PDE4D: variants seen among roughly 807,000 people sequenced by gnomAD.
PDE4D encodes phosphodiesterase 4D, also known as 3',5'-cyclic-AMP phosphodiesterase 4D.
Under a neutral mutation model 87.4 loss-of-function variants are expected in PDE4D, and 24 were observed. That is an observed-to-expected ratio of 0.27 (90% CI 0.20 to 0.39). The LOEUF is 0.39. PDE4D is among the 10% of genes least tolerant of loss of function. The pLI is 1.00. For missense variants in PDE4D, 714 were observed against 1,041.0 expected (o/e 0.69, Z 4.32); for synonymous variants, 384 against 383.2 (o/e 1.00, Z -0.02).
At chr5:60,466,075 G>A (rs1747329889) in intron 1 of PDE4D, among the ~76,000 whole-genome samples, 1 of 152,074 alleles carries the variant, frequency 6.6e-6, no homozygotes, top group Non-Finnish European at 1.5e-5. Context: ...AGGAACAAAT[G>A]GCTAACATTA....
intron 5 of PDE4D, among the ~76,000 whole-genome samples, chr5:59,111,700 C>T (rs1772671971): frequency 6.6e-6 from 1 of 152,208 alleles, no homozygotes; most frequent in Admixed American, 6.5e-5. Flanking sequence ...TTTCCAAGAC[C>T]ACAAAGCTTG....
intron 1 of PDE4D, among the ~76,000 whole-genome samples, chr5:59,474,076 T>G (rs78363980): frequency 6.6e-6 from 1 of 152,300 alleles, no homozygotes; most frequent in Non-Finnish European, 1.5e-5. Context: ...GAAAGGGGCA[T>G]GTTCCTATTT....
chr5:59,530,830 A>T (rs897788992), intron 1 of PDE4D, among the ~76,000 whole-genome samples: 1 of 152,220 alleles, frequency 6.6e-6, no homozygotes, highest in African/African-American at 2.4e-5. Flanking sequence ...TTATTATAGC[A>T]ACAACTCAGG....
intron 1 of PDE4D, among the ~76,000 whole-genome samples, chr5:59,622,950 T>A (rs1268157238): frequency 6.6e-6 from 1 of 152,168 alleles, no homozygotes; most frequent in East Asian, 1.9e-4. Flanking sequence ...CACCACCCAG[T>A]AAGAAAACCC....
chr5:60,265,488 T>C (rs1335749023), intron 1 of PDE4D, among the ~76,000 whole-genome samples: 1 of 152,160 alleles, frequency 6.6e-6, no homozygotes, highest in Non-Finnish European at 1.5e-5. Flanking sequence ...GAGGGAAATT[T>C]GTGGTCAGGC....
At chr5:60,147,731 C>T in intron 2 of PDE4D, 1 of 454,408 alleles carries the variant, frequency 2.2e-6, no homozygotes, top group Non-Finnish European at 4.4e-6. Context: ...TAGAGAAGCA[C>T]TTCTCGAGTC....
intron 6 of PDE4D, among the ~76,000 whole-genome samples, chr5:59,003,286 G>C (rs868036530): frequency 6.6e-6 from 1 of 152,000 alleles, no homozygotes; most frequent in Non-Finnish European, 1.5e-5. Context: ...AATCCCCAAC[G>C]CCAAGCCTAT....
intron 2 of PDE4D, among the ~76,000 whole-genome samples, chr5:60,105,886 C>T (rs749410652): frequency 1.3e-5 from 2 of 152,160 alleles, no homozygotes; most frequent in African/African-American, 4.8e-5. Flanking sequence ...ACAACCAGTA[C>T]CAACCACTGC....
chr5:59,945,377 AC>A (rs1299293793), intron 3 of PDE4D, among the ~76,000 whole-genome samples: 3 of 152,166 alleles, frequency 2.0e-5, no homozygotes, highest in Non-Finnish European at 2.9e-5. Flanking sequence ...AATATTGAAA[AC>A]ACTTTGGATC....
At chr5:59,065,655 A>T (rs1423977009) in intron 5 of PDE4D, among the ~76,000 whole-genome samples, 1 of 152,166 alleles carries the variant, frequency 6.6e-6, no homozygotes, top group East Asian at 1.9e-4. Flanking sequence ...TTGGGAAAGA[A>T]GATGAGAAAA....
At chr5:59,352,241 G>C (rs992762008) in intron 1 of PDE4D, among the ~76,000 whole-genome samples, 3 of 152,062 alleles carry the variant, frequency 2.0e-5, no homozygotes, top group African/African-American at 7.2e-5. Flanking sequence ...TCTAGTCCCT[G>C]AACCTTCAAT....
chr5:59,176,389 C>T (rs1029019670), intron 5 of PDE4D, among the ~76,000 whole-genome samples: 2 of 151,958 alleles, frequency 1.3e-5, no homozygotes, highest in Non-Finnish European at 2.9e-5. Flanking sequence ...CCTGTCTCTA[C>T]TAAAAACACA....
chr5:59,235,551 T>A (rs2153519466), intron 1 of PDE4D, among the ~76,000 whole-genome samples: 1 of 152,354 alleles, frequency 6.6e-6, no homozygotes, highest in East Asian at 1.9e-4. Flanking sequence ...TCTTCTGTTC[T>A]TTGGACTAAA....
At chr5:60,418,267 C>T (rs1181940053) in intron 1 of PDE4D, among the ~76,000 whole-genome samples, 2 of 152,088 alleles carry the variant, frequency 1.3e-5, no homozygotes, top group African/African-American at 2.4e-5. Flanking sequence ...TTGAAAGACA[C>T]GAGTTCAAAT....
At chr5:59,586,473 C>CG in intron 1 of PDE4D, 1 of 1,418,790 alleles carries the variant, frequency 7.0e-7, no homozygotes, top group Non-Finnish European at 9.2e-7. Context: ...GAGCAGCTAT[C>CG]GTGGGCAATT....
intron 1 of PDE4D, among the ~76,000 whole-genome samples, chr5:60,254,843 GT>G (rs1438289602): frequency 6.6e-6 from 1 of 151,868 alleles, no homozygotes; most frequent in African/African-American, 2.4e-5. Context: ...TAAGGTCATT[GT>G]AAAAATTAAA....
chr5:59,427,515 G>C (rs1795469847), intron 1 of PDE4D, among the ~76,000 whole-genome samples: 1 of 152,152 alleles, frequency 6.6e-6, no homozygotes, highest in Non-Finnish European at 1.5e-5. Flanking sequence ...GGTTAGAAGA[G>C]CCAGATTAAA....
Position 58,975,886 on chromosome 5 carries a change from T to TTAA in PDE4D, c.1831-48_1831-47insTTA. 3.7e-6 allele frequency: 4 copies of TTAA among 1,067,190 alleles called. No individual in the cohort carries two copies. The highest frequency in any genetic ancestry group is 5.0e-6 in the Non-Finnish European group (4 of 797,862). The allele number at this position is 1,067,190 out of a possible 1,614,324, so 66.1% of individuals were successfully genotyped here. On this transcript the variant is annotated intron_variant, in intron 13 of 14. Transcript: ENST00000340635. The surrounding 1 kb of genome is among the most constrained non-coding windows in gnomAD (Gnocchi z 4.2). ...TCTATTCACTCCTGTTCCTTTTTTT[T>TTAA]AAAAAAAAAAACAAAAAAAACTAGA...
intron 2 of PDE4D, among the ~76,000 whole-genome samples, chr5:60,016,438 A>G (rs191056163): frequency 2.6e-5 from 4 of 152,188 alleles, no homozygotes; most frequent in Non-Finnish European, 1.5e-5. Flanking sequence ...TCTTAAAATA[A>G]TACAACAATG....
Sources: allele counts gnomAD v4.1 joint callset (sites outside exome capture counted in the v4.1 genomes callset), GRCh38; gene constraint gnomAD v4.1.1; non-coding constraint Gnocchi (gnomAD v3.1); transcripts MANE v1.5; gene names NCBI Gene and HGNC (gene_info 2026-07-23, HGNC 2026-07-21).